The following DPYS variants were observed in gnomAD, a reference collection of about 807,000 sequenced individuals.
DPYS encodes the protein dihydropyrimidinase, also known as dihydropyrimidine amidohydrolase.
In DPYS, 39 loss-of-function variants were observed where a neutral mutation model predicts 50.3. The ratio of observed to expected loss-of-function variants is 0.78; its 90% CI spans 0.60 to 1.01. The LOEUF (loss-of-function observed/expected upper bound fraction) is 1.01. DPYS is among the 50% of genes least tolerant of loss of function. DPYS has a pLI of 0.00. For missense variants in DPYS, 659 were observed against 680.9 expected (o/e 0.97, Z 0.36); for synonymous variants, 245 against 250.7 (o/e 0.98, Z 0.22).
intron 6 of DPYS, 134 bp from the exon 7 acceptor site, chr8:104,424,523 G>T: frequency 1.1e-6 from 1 of 930,804 alleles, no homozygotes; most frequent in Non-Finnish European, 1.6e-6. Context: ...ATCTGAGGAT[G>T]CTGGTAAGTA....
At chr8:104,402,334 A>T (rs997912695) in intron 7 of DPYS, among the ~76,000 whole-genome samples, 5 of 152,254 alleles carry the variant, frequency 3.3e-5, no homozygotes, top group Admixed American at 2.6e-4. Flanking sequence ...GAAAGTGGGA[A>T]ACTAAAAATA....
chr8:104,448,439 A>G (rs1299496847), intron 2 of DPYS, among the ~76,000 whole-genome samples: 6 of 152,154 alleles, frequency 3.9e-5, no homozygotes, highest in Non-Finnish European at 7.3e-5. Context: ...TACAGGCATG[A>G]GCCTCCGCGC....
At chr8:104,428,590 C>G (rs567543116) in intron 5 of DPYS, among the ~76,000 whole-genome samples, 1 of 152,246 alleles carries the variant, frequency 6.6e-6, no homozygotes, top group Non-Finnish European at 1.5e-5. Flanking sequence ...CCTAGCCACA[C>G]GGCCACACTG....
intron 4 of DPYS, among the ~76,000 whole-genome samples, chr8:104,431,682 C>A (rs1254563759): frequency 1.3e-5 from 2 of 152,022 alleles, no homozygotes; most frequent in Non-Finnish European, 2.9e-5. Flanking sequence ...ATAGCTAACA[C>A]ATGCATACCA....
At chr8:104,414,785 G>A (rs1812310585) in intron 7 of DPYS, among the ~76,000 whole-genome samples, 1 of 152,040 alleles carries the variant, frequency 6.6e-6, no homozygotes, top group Non-Finnish European at 1.5e-5. Flanking sequence ...CATAACCGAT[G>A]GCCATAATTT....
rs1314351262 is a variant in DPYS at position 104,466,980 on chromosome 8, G to C, written c.-60C>G. The C allele has an allele frequency of 3.7e-6, 5 of 1,357,840 alleles. No individual in the cohort carries two copies. Among genetic ancestry groups the C allele is most frequent in the Non-Finnish European group, 4.7e-6 (5 of 1,059,254 alleles). The allele number at this position is 1,357,840 out of a possible 1,614,324, so 84.1% of individuals were successfully genotyped here. On this transcript the variant is annotated 5_prime_UTR_variant, in exon 1 of 10. Transcript: ENST00000351513. Reference sequence around the variant, plus strand: ...CTGCGCGCAGGGGCTGGGTTGGGCGGGCCGGGCGGGCTTGGGGTGCCCTCC... The same window carrying C: ...CTGCGCGCAGGGGCTGGGTTGGGCGCGCCGGGCGGGCTTGGGGTGCCCTCC...
chr8:104,465,497 G>A (rs532630355), intron 1 of DPYS, among the ~76,000 whole-genome samples: 31 of 152,182 alleles, frequency 2.0e-4, no homozygotes, highest in Admixed American at 7.2e-4. Context: ...GGAGGATGTG[G>A]GCTTTACTTT....
intron 8 of DPYS, among the ~76,000 whole-genome samples, chr8:104,390,647 G>A (rs73291217): frequency 0.067 from 10,132 of 151,952 alleles, 534 homozygotes; most frequent in African/African-American, 0.15. Flanking sequence ...ACAGGGGTGC[G>A]CTGCCACGCC....
intron 4 of DPYS, among the ~76,000 whole-genome samples, chr8:104,435,518 A>C (rs571229606): frequency 6.6e-6 from 1 of 151,364 alleles, no homozygotes; most frequent in East Asian, 2.0e-4. Flanking sequence ...AATGGCAAAA[A>C]CCACAATTAC....
chr8:104,403,115 C>T (rs186547293), intron 7 of DPYS, among the ~76,000 whole-genome samples: 19 of 152,242 alleles, frequency 1.2e-4, no homozygotes, highest in Non-Finnish European at 2.6e-4. Context: ...TGTTTGTTGC[C>T]GTCCACCACT....
At chr8:104,462,104 AT>A (rs1291685941) in intron 1 of DPYS, among the ~76,000 whole-genome samples, 2 of 152,282 alleles carry the variant, frequency 1.3e-5, no homozygotes, top group African/African-American at 4.8e-5. Flanking sequence ...ATGTGCCAGC[AT>A]TTTTTTAAGG....
chr8:104,385,216 C>G (rs1367114561), intron 8 of DPYS, among the ~76,000 whole-genome samples: 3 of 152,160 alleles, frequency 2.0e-5, no homozygotes, highest in Non-Finnish European at 4.4e-5. Flanking sequence ...AATATAAGCT[C>G]TTTGTGATCA....
chr8:104,458,888 A>G (rs1814021786), intron 1 of DPYS, among the ~76,000 whole-genome samples: 1 of 152,244 alleles, frequency 6.6e-6, no homozygotes, highest in South Asian at 2.1e-4. Flanking sequence ...TAAGACTTTT[A>G]ACAAACACAA....
chr8:104,440,713 C>T (rs916913720), intron 4 of DPYS, among the ~76,000 whole-genome samples: 2 of 151,504 alleles, frequency 1.3e-5, no homozygotes, highest in African/African-American at 4.9e-5. Flanking sequence ...GAGCCAAGAT[C>T]GCGACACTGC....
At chr8:104,440,651 C>T (rs968842050) in intron 4 of DPYS, among the ~76,000 whole-genome samples, 2 of 151,832 alleles carry the variant, frequency 1.3e-5, no homozygotes, top group South Asian at 2.1e-4. Context: ...CCCAGCTACT[C>T]GAGAGGCTGA....
At chr8:104,443,126 T>A (rs1470081927) in intron 4 of DPYS, among the ~76,000 whole-genome samples, 1 of 152,200 alleles carries the variant, frequency 6.6e-6, no homozygotes, top group Non-Finnish European at 1.5e-5. Context: ...GGTTGAATTA[T>A]AACACTGTCT....
chr8:104,393,516 A>C (rs1019572420), intron 7 of DPYS, among the ~76,000 whole-genome samples: 1 of 152,212 alleles, frequency 6.6e-6, no homozygotes, highest in Admixed American at 6.5e-5. Flanking sequence ...ATCAAGGAAA[A>C]GTATGTATGG....
chr8:104,466,586 C>G lies in DPYS; in HGVS notation c.264+71G>C, dbSNP rs1047392820. 4.2e-6 allele frequency: 6 copies of G among 1,442,292 alleles called. No homozygotes were observed. The Admixed American group carries it at 1.2e-4, about 28-fold the overall frequency. The allele number at this position is 1,442,292 out of a possible 1,614,324, so 89.3% of individuals were successfully genotyped here. On this transcript the variant is annotated intron_variant, in intron 1 of 9. Coordinates refer to ENST00000351513, the MANE Select transcript of DPYS (RefSeq NM_001385.3). ...CGCGCGAGGCGGCCCTGCTGAGGAC[C>G]CCGGGACGACTGGGGAGGCTGCCCG...
intron 2 of DPYS, among the ~76,000 whole-genome samples, chr8:104,449,547 CAT>C (rs1230441936): frequency 6.6e-6 from 1 of 152,206 alleles, no homozygotes; most frequent in African/African-American, 2.4e-5. Flanking sequence ...GCCAAAAATT[CAT>C]ATGTTGAAGT....
Sources: gnomAD v4.1 joint callset for allele counts (sites outside exome capture counted in the v4.1 genomes callset) on GRCh38, gnomAD v4.1.1 for gene constraint, MANE v1.5 for transcripts, NCBI Gene and HGNC (gene_info 2026-07-23, HGNC 2026-07-21) for gene names.